The following DCC variants were observed in gnomAD, a reference collection of about 807,000 sequenced individuals.
DCC encodes netrin receptor DCC.
A neutral mutation model predicts 172.5 loss-of-function variants in DCC; 58 were observed. The ratio of observed to expected loss-of-function variants is 0.34; its 90% CI spans 0.27 to 0.42. The LOEUF (loss-of-function observed/expected upper bound fraction) is 0.42, where lower values mean the gene tolerates loss of function less well. Ranked by LOEUF, DCC falls within the 10% of genes least tolerant of loss-of-function variation. The pLI, the probability that DCC is intolerant of heterozygous loss-of-function variation, is 1.00. For synonymous variants in DCC, 709 were observed against 644.5 expected (o/e 1.10, Z -1.52); for missense variants, 1,740 against 1,791.0 (o/e 0.97, Z 0.51).
chr18:52,678,525 G>A (rs1273620843), intron 1 of DCC, among the ~76,000 whole-genome samples: 2 of 152,130 alleles, frequency 1.3e-5, no homozygotes, highest in Non-Finnish European at 2.9e-5. Flanking sequence ...AGATTTATTT[G>A]CAGGTCAGCT....
intron 28 of DCC, among the ~76,000 whole-genome samples, chr18:53,529,003 T>TTCTCTCTCTCTCTC (rs144580817): frequency 4.0e-5 from 4 of 101,090 alleles, no homozygotes; most frequent in African/African-American, 1.3e-4. Flanking sequence ...TCACTTCAAC[T>TTCTCTCTCTCTCTC]TCTCTCTCTC....
chr18:52,482,996 A>C (rs2030030634), intron 1 of DCC, among the ~76,000 whole-genome samples: 1 of 152,086 alleles, frequency 6.6e-6, no homozygotes, highest in Non-Finnish European at 1.5e-5. Context: ...AATGGAGGTG[A>C]TAGTATGCTC....
chr18:53,047,353 ATAT>A (rs1419493032), intron 5 of DCC, among the ~76,000 whole-genome samples: 3 of 114,724 alleles, frequency 2.6e-5, no homozygotes, highest in African/African-American at 1.0e-4. Context: ...TATGAAATAC[ATAT>A]TATACATAAA....
chr18:53,366,993 T>A (rs1386271743), intron 15 of DCC, among the ~76,000 whole-genome samples: 1 of 152,152 alleles, frequency 6.6e-6, no homozygotes, highest in African/African-American at 2.4e-5. Flanking sequence ...GCTGCTGCAT[T>A]TTGGTGTTTC....
intron 5 of DCC, among the ~76,000 whole-genome samples, chr18:52,978,812 G>A (rs929742020): frequency 2.6e-5 from 4 of 152,086 alleles, no homozygotes; most frequent in Non-Finnish European, 5.9e-5. Context: ...GAGAACATAC[G>A]GTATTTGATT....
At chr18:53,298,009 T>A (rs2057087870) in intron 12 of DCC, among the ~76,000 whole-genome samples, 1 of 152,192 alleles carries the variant, frequency 6.6e-6, no homozygotes, top group Non-Finnish European at 1.5e-5. Flanking sequence ...TATAACTGAT[T>A]ATATTAATTA....
At chr18:52,356,959 A>ATT (rs1984394393) in intron 1 of DCC, among the ~76,000 whole-genome samples, 2 of 151,910 alleles carry the variant, frequency 1.3e-5, no homozygotes, top group South Asian at 2.1e-4. Context: ...ATTTTTTTGT[A>ATT]TTTTTAGTAG....
intron 5 of DCC, among the ~76,000 whole-genome samples, chr18:53,028,652 A>G (rs920075090): frequency 6.6e-6 from 1 of 152,110 alleles, no homozygotes; most frequent in Non-Finnish European, 1.5e-5. Flanking sequence ...AACATTTCTC[A>G]TTGCAGTTTA....
At chr18:52,941,537 TAA>T (rs2145524713) in intron 5 of DCC, among the ~76,000 whole-genome samples, 1 of 152,046 alleles carries the variant, frequency 6.6e-6, no homozygotes, top group African/African-American at 2.4e-5. Flanking sequence ...TGCATATATG[TAA>T]AAATGCGCTC....
chr18:52,728,288 A>C (rs868108487), intron 1 of DCC, among the ~76,000 whole-genome samples: 1 of 152,254 alleles, frequency 6.6e-6, no homozygotes, highest in African/African-American at 2.4e-5. Context: ...TAAATTATTC[A>C]TTCCCTGTGG....
chr18:53,396,945 A>G (rs1908987287), intron 17 of DCC, among the ~76,000 whole-genome samples: 1 of 152,074 alleles, frequency 6.6e-6, no homozygotes, highest in African/African-American at 2.4e-5. Context: ...TTGAAAAAAG[A>G]TATGTAAATA....
intron 5 of DCC, among the ~76,000 whole-genome samples, chr18:52,968,307 G>A (rs1468630193): frequency 6.6e-6 from 1 of 152,106 alleles, no homozygotes; most frequent in African/African-American, 2.4e-5. Context: ...GGGTGTTGAA[G>A]GATGAATTGC....
chr18:52,434,921 C>T lies in DCC; in HGVS notation c.91+94043C>T, dbSNP rs532128630. On this transcript the variant is annotated intron_variant, in intron 1 of 28. Coordinates refer to ENST00000442544, the MANE Select transcript of DCC (RefSeq NM_005215.4). The stretch of plus-strand genomic sequence containing the variant: ...CTCATACCAGTAAATCTTTGTTGTA[C>T]ACATATGTCCTGTAGATTGCAATGT... Among the ~76,000 whole-genome samples the T allele has an allele frequency of 5.0e-4, 76 of 152,310 alleles. 2 individuals are homozygous for T. Among genetic ancestry groups the T allele is most frequent in the African/African-American group, 1.7e-3 (69 of 41,568 alleles).
intron 21 of DCC, among the ~76,000 whole-genome samples, chr18:53,425,355 C>CTTTTTTTTTTTTT (rs1338640000): frequency 9.5e-4 from 82 of 86,540 alleles, no homozygotes; most frequent in Admixed American, 2.8e-3. Flanking sequence ...CGTTTCTCCT[C>CTTTTTTTTTTTTT]TCTTTTTTTT....
chr18:52,351,165 T>TAA (rs34405865), intron 1 of DCC, among the ~76,000 whole-genome samples: 149 of 151,666 alleles, frequency 9.8e-4, no homozygotes, highest in Middle Eastern at 6.8e-3. Flanking sequence ...GAATATCAGG[T>TAA]AAAAAAAAGT....
chr18:52,381,290 A>T (rs1433750337), intron 1 of DCC, among the ~76,000 whole-genome samples: 3 of 152,136 alleles, frequency 2.0e-5, no homozygotes, highest in Non-Finnish European at 4.4e-5. Context: ...GGGGGAGGTG[A>T]TGCATGTAGT....
At chr18:53,003,631 C>T (rs1487759053) in intron 5 of DCC, among the ~76,000 whole-genome samples, 1 of 151,978 alleles carries the variant, frequency 6.6e-6, no homozygotes, top group Non-Finnish European at 1.5e-5. Context: ...ATCTCAGTGC[C>T]TGTTGTAGGG....
chr18:53,429,029 T>C (rs1568126987), intron 21 of DCC, among the ~76,000 whole-genome samples: 1 of 70,558 alleles, frequency 1.4e-5, no homozygotes, highest in African/African-American at 4.7e-5. Flanking sequence ...ATTTTTTATA[T>C]AATATATATT....
chr18:53,483,486 T>A (rs1399277199), intron 25 of DCC, among the ~76,000 whole-genome samples: 1 of 151,866 alleles, frequency 6.6e-6, no homozygotes, highest in Non-Finnish European at 1.5e-5. Context: ...TAGTTTGATA[T>A]CAACATCATC....
Sources: allele counts gnomAD v4.1 joint callset (sites outside exome capture counted in the v4.1 genomes callset), GRCh38; gene constraint gnomAD v4.1.1; transcripts MANE v1.5; gene names NCBI Gene and HGNC (gene_info 2026-07-23, HGNC 2026-07-21).